RTN3: variants seen among roughly 807,000 people sequenced by gnomAD.
RTN3 encodes reticulon 3, also known as reticulon-3.
A neutral mutation model predicts 77.8 loss-of-function variants in RTN3; 49 were observed. The ratio of observed to expected loss-of-function variants is 0.63; its 90% CI spans 0.50 to 0.80. RTN3 has a LOEUF of 0.80. RTN3 is among the 30% of genes least tolerant of loss of function. The probability of loss-of-function intolerance (pLI) is 0.00; values close to 1 mark genes in which losing one functional copy is unlikely to be tolerated. For synonymous variants in RTN3, 464 were observed against 446.9 expected, an observed-to-expected ratio of 1.04 and a Z score of -0.48; for missense variants, 1,236 against 1,211.9, an observed-to-expected ratio of 1.02 and a Z score of -0.29.
intron 1 of RTN3, 71 bp downstream of exon 1, chr11:63,681,849 A>G: frequency 4.9e-6 from 7 of 1,425,030 alleles, no homozygotes; most frequent in East Asian, 2.8e-5. Context: ...GGGGATTAGG[A>G]GGCGAGGCGG....
rs1225972679 is a variant in RTN3 at position 63,718,828 on chromosome 11, G to A, written c.326G>A (p.Gly109Glu). Reference sequence around the variant, plus strand: ...CATGGAGAAAAAAGCCATGTGTTAGGGAGCCAGCCTATTTTAGCCAAAGAA... The same window carrying A: ...CATGGAGAAAAAAGCCATGTGTTAGAGAGCCAGCCTATTTTAGCCAAAGAA... ...ILHGEKSHVLGSQPILAKEGK... is the reference protein window; with the variant it reads ...ILHGEKSHVLESQPILAKEGK... Residue 109 changes from glycine to glutamate, a missense_variant, in exon 3 of 9, where the codon GGG (glycine) becomes GAG (glutamate). Physicochemically the swap from Gly to Glu is moderately conservative, Grantham distance 98 (BLOSUM62 -2). This residue lies in a region of RTN3 where 1,056 missense variants were observed against 990.4 expected (regional missense o/e 1.07). Coordinates refer to ENST00000377819, the MANE Select transcript of RTN3 (RefSeq NM_001265589.2). 1 of 1,614,088 alleles carries A rather than the reference G, an allele frequency of 6.2e-7. No individual in the cohort carries two copies.
chr11:63,745,496 G>A (rs1239652882), intron 3 of RTN3, among the ~76,000 whole-genome samples: 1 of 152,204 alleles, frequency 6.6e-6, no homozygotes, highest in African/African-American at 2.4e-5. Flanking sequence ...GACCTGAAAA[G>A]TAAAGAAGCA....
chr11:63,681,797 C>T lies in RTN3; in HGVS notation c.142+19C>T, dbSNP rs1286022139. The T allele has an allele frequency of 1.9e-5, 29 of 1,540,900 alleles. No individual in the cohort carries two copies. Among genetic ancestry groups the T allele is most frequent in the Non-Finnish European group, 2.5e-5 (29 of 1,149,576 alleles). On this transcript the variant is annotated intron_variant, in intron 1 of 8. Coordinates refer to ENST00000377819, the MANE Select transcript of RTN3 (RefSeq NM_001265589.2). ...TGTGCGGGTAAGGCGCGCGGGGAGC[C>T]CCCGCCCTGGGAAAGAGGGCGAGCG... is the stretch of plus-strand genomic sequence containing the variant.
At chr11:63,685,360 G>A (rs1166816948) in intron 1 of RTN3, among the ~76,000 whole-genome samples, 1 of 151,622 alleles carries the variant, frequency 6.6e-6, no homozygotes, top group South Asian at 2.1e-4. Flanking sequence ...GCCGGGCACA[G>A]TGACGGGCAC....
intron 1 of RTN3, among the ~76,000 whole-genome samples, chr11:63,693,828 G>C (rs1392402885): frequency 6.6e-6 from 1 of 151,948 alleles, no homozygotes; most frequent in East Asian, 1.9e-4. Flanking sequence ...TGGCATATTA[G>C]AAAGAGACTC....
intron 4 of RTN3, among the ~76,000 whole-genome samples, chr11:63,752,135 T>C (rs1270937331): frequency 6.6e-6 from 1 of 151,062 alleles, no homozygotes; most frequent in Non-Finnish European, 1.5e-5. Flanking sequence ...AATATAGTTT[T>C]AGAAACTCCA....
rs764214269 is a variant in RTN3 at position 63,740,287 on chromosome 11, CT to C, written c.2531-9692del. ...CCTTCTAACCTCCCCATCTTAGTTT[CT>C]TTTTTTTTTTTGAGACGGAGTCTCA... is the stretch of plus-strand genomic sequence containing the variant. On this transcript the variant is annotated intron_variant, in intron 3 of 8. Transcript: ENST00000377819. Among the ~76,000 whole-genome samples the C allele has an allele frequency of 7.8e-3, 1,128 of 143,726 alleles. 1 individual carries two copies. The highest frequency in any genetic ancestry group is 0.011 in the Admixed American group (155 of 14,214). The allele number at this position is 143,726 out of a possible 152,430, so 94.3% of individuals were successfully genotyped here. A position where few individuals can be genotyped will look rare whatever the true frequency, so the allele number is the denominator to read the frequency against.
intron 1 of RTN3, among the ~76,000 whole-genome samples, chr11:63,697,350 G>C (rs1472874030): frequency 6.6e-6 from 1 of 151,278 alleles, no homozygotes; most frequent in African/African-American, 2.4e-5. Flanking sequence ...CTGTCGCCCA[G>C]GCTGGGGTGC....
chr11:63,703,692 G>A (rs375367351), intron 1 of RTN3, among the ~76,000 whole-genome samples: 15 of 151,588 alleles, frequency 9.9e-5, no homozygotes, highest in African/African-American at 2.4e-4. Context: ...ACAGGCGCCC[G>A]CCACCACGCC....
chr11:63,713,445 G>A (rs1173810228), intron 2 of RTN3, among the ~76,000 whole-genome samples: 1 of 152,222 alleles, frequency 6.6e-6, no homozygotes, highest in East Asian at 1.9e-4. Context: ...AAGTAGTCAG[G>A]ACCACAGGTG....
chr11:63,732,375 A>G (rs1184169031), intron 3 of RTN3, among the ~76,000 whole-genome samples: 1 of 151,810 alleles, frequency 6.6e-6, no homozygotes, highest in East Asian at 1.9e-4. Flanking sequence ...ATGGGGTCTC[A>G]TGTTGCTCGG....
intron 1 of RTN3, among the ~76,000 whole-genome samples, chr11:63,690,020 A>G (rs1941573352): frequency 6.6e-6 from 1 of 151,968 alleles, no homozygotes; most frequent in South Asian, 2.1e-4. Context: ...TCGGCCTCCC[A>G]CAGTGCTGGG....
chr11:63,721,145 AAAC>A (rs1188023837), intron 3 of RTN3, 113 bp downstream of exon 3: 1 of 901,140 alleles, frequency 1.1e-6, no homozygotes, highest in African/African-American at 1.7e-5. Context: ...TAAAATACAA[AAAC>A]AATATGCTGT....
chr11:63,713,585 A>G (rs2011227682), intron 2 of RTN3, among the ~76,000 whole-genome samples: 1 of 152,190 alleles, frequency 6.6e-6, no homozygotes, highest in East Asian at 1.9e-4. Context: ...TGCTAGGATT[A>G]CAGGCATGAG....
Position 63,711,535 on chromosome 11 carries a change from G to A in RTN3, c.199+6628G>A, listed in dbSNP as rs1005246456. ...TTCCTGAGTAGCTGGAACCACAGGC[G>A]TGTGCCACCACACCAAGCTAATTTA... is the stretch of plus-strand genomic sequence containing the variant. On this transcript the variant is annotated intron_variant, in intron 2 of 8. Coordinates refer to ENST00000377819, the MANE Select transcript of RTN3 (RefSeq NM_001265589.2). Among the ~76,000 whole-genome samples, 4 of 150,988 alleles carry A rather than the reference G, an allele frequency of 2.6e-5. No homozygotes were observed. The South Asian group carries it at 8.4e-4, about 32-fold the overall frequency.
intron 3 of RTN3, among the ~76,000 whole-genome samples, chr11:63,724,420 T>A (rs776340737): frequency 6.7e-6 from 1 of 149,070 alleles, no homozygotes; most frequent in Non-Finnish European, 1.5e-5. Flanking sequence ...CCTGACCTGG[T>A]GATCTGCCCA....
chr11:63,720,049 A>T lies in RTN3; in HGVS notation c.1547A>T (p.Asn516Ile), dbSNP rs974267065. The change falls in exon 3 of 9, where the codon AAT (asparagine) becomes ATT (isoleucine). Residue 516 changes from asparagine to isoleucine, a missense_variant. Coordinates refer to ENST00000377819, the MANE Select transcript of RTN3 (RefSeq NM_001265589.2). ...EDITADTSFE[N>I]NKIQAEKPVS... ...ATCACAGCAGATACATCATTTGAAA[A>T]TAACAAAATTCAGGCTGAAAAACCT... is the stretch of plus-strand genomic sequence containing the variant. 2.5e-6 allele frequency: 4 copies of T among 1,614,068 alleles called. No individual in the cohort carries two copies. Among genetic ancestry groups the T allele is most frequent in the East Asian group, 4.5e-5 (2 of 44,900 alleles).
At chr11:63,737,540 G>T (rs1327973538) in intron 3 of RTN3, among the ~76,000 whole-genome samples, 1 of 152,172 alleles carries the variant, frequency 6.6e-6, no homozygotes, top group African/African-American at 2.4e-5. Flanking sequence ...AACCCAGGAG[G>T]CAGAGGTTGC....
chr11:63,699,284 G>A (rs142586770), intron 1 of RTN3, among the ~76,000 whole-genome samples: 74 of 150,932 alleles, frequency 4.9e-4, no homozygotes, highest in Admixed American at 1.4e-3. Flanking sequence ...CTGGGCGGGC[G>A]ACAGAGCTGA....
Sources: allele counts gnomAD v4.1 joint callset (sites outside exome capture counted in the v4.1 genomes callset), GRCh38; gene constraint gnomAD v4.1.1; regional missense constraint gnomAD v4.1.1; transcripts MANE v1.5; gene names NCBI Gene and HGNC (gene_info 2026-07-23, HGNC 2026-07-21).